Variants in GABRB3 observed in about 807,000 individuals in gnomAD.
The protein encoded by GABRB3 is gamma-aminobutyric acid type A receptor subunit beta3, also known as gamma-aminobutyric acid receptor subunit beta-3.
GABRB3 carries 14 observed loss-of-function variants against 52.1 expected under a neutral mutation model. The ratio of observed to expected loss-of-function variants is 0.27; its 90% CI spans 0.18 to 0.42. GABRB3 has a LOEUF of 0.42. Among genes scored for constraint, GABRB3 ranks in the 10% least tolerant of loss-of-function variants. GABRB3 has a pLI of 1.00. For synonymous variants in GABRB3, 260 were observed against 232.3 expected (o/e 1.12, Z -1.08); for missense variants, 307 against 609.1 (o/e 0.50, Z 5.22).
chr15:26,703,225 T>C (rs1888992081), intron 3 of GABRB3, among the ~76,000 whole-genome samples: 1 of 152,330 alleles, frequency 6.6e-6, no homozygotes. Context: ...TTCTAGAGGC[T>C]GGAAATTCCA....
intron 3 of GABRB3, among the ~76,000 whole-genome samples, chr15:26,736,725 G>A (rs1412956430): frequency 6.6e-6 from 1 of 152,248 alleles, no homozygotes; most frequent in Non-Finnish European, 1.5e-5. Context: ...GCTAGAATGT[G>A]TTCCATTTGC....
intron 3 of GABRB3, among the ~76,000 whole-genome samples, chr15:26,654,265 C>A (rs1595510747): frequency 6.6e-6 from 1 of 152,190 alleles, no homozygotes; most frequent in Admixed American, 6.5e-5. Context: ...CCTGCCTCAG[C>A]CTCCCGAGTA....
chr15:26,653,298 A>G (rs985659749), intron 3 of GABRB3, among the ~76,000 whole-genome samples: 2 of 152,188 alleles, frequency 1.3e-5, no homozygotes, highest in African/African-American at 4.8e-5. Flanking sequence ...GCTCTTATGG[A>G]TAACATCACT....
chr15:26,567,454 G>A, intron 7 of GABRB3, 127 bp downstream of exon 7: 1 of 828,858 alleles, frequency 1.2e-6, no homozygotes, highest in Non-Finnish European at 2.0e-6. Flanking sequence ...GATAAAAAGT[G>A]ACTATACAGG....
chr15:26,737,531 A>G (rs1175067984), intron 3 of GABRB3, among the ~76,000 whole-genome samples: 1 of 152,184 alleles, frequency 6.6e-6, no homozygotes, highest in Non-Finnish European at 1.5e-5. Flanking sequence ...AGAACATTTG[A>G]AAAATAATAA....
intron 3 of GABRB3, chr15:26,658,613 A>AG (rs1453484683): frequency 6.6e-6 from 1 of 152,222 alleles, no homozygotes; most frequent in East Asian, 1.9e-4. Flanking sequence ...TCTGATGGTC[A>AG]GGCCTTCTGT....
chr15:26,554,190 A>ATATATATATATATATATATATATAT (rs1567097853), intron 8 of GABRB3, among the ~76,000 whole-genome samples: 1 of 31,532 alleles, frequency 3.2e-5, no homozygotes, highest in Non-Finnish European at 6.4e-5. Context: ...ATATATATAT[A>ATATATATATATATATATATATATAT]CTATATATAT....
chr15:26,593,981 A>AATATATAT (rs61218096), intron 4 of GABRB3, among the ~76,000 whole-genome samples: 2,458 of 133,892 alleles, frequency 0.018, 31 homozygotes, highest in South Asian at 0.045. Flanking sequence ...CTCATTTTAA[A>AATATATAT]ATATATATAT....
intron 8 of GABRB3, among the ~76,000 whole-genome samples, chr15:26,554,175 A>AATATATATATATATATATAT (rs1397152466): frequency 7.0e-5 from 1 of 14,258 alleles, no homozygotes; most frequent in Non-Finnish European, 2.0e-4. Context: ...ATATATATAA[A>AATATATATATATATATATAT]GTATATATAT....
intron 3 of GABRB3, among the ~76,000 whole-genome samples, chr15:26,678,161 T>A (rs1888125977): frequency 6.6e-6 from 1 of 152,152 alleles, no homozygotes; most frequent in Admixed American, 6.5e-5. Flanking sequence ...GACATCTTCA[T>A]AAGACCCACT....
At chr15:26,624,008 C>A (rs1307004960) in intron 3 of GABRB3, among the ~76,000 whole-genome samples, 2 of 152,162 alleles carry the variant, frequency 1.3e-5, no homozygotes, top group Non-Finnish European at 2.9e-5. Context: ...AAACACAAAG[C>A]CGCCTGTGAG....
chr15:26,652,259 C>A (rs1338471917), intron 3 of GABRB3, among the ~76,000 whole-genome samples: 1 of 152,224 alleles, frequency 6.6e-6, no homozygotes, highest in Non-Finnish European at 1.5e-5. Context: ...GTGGCACAAC[C>A]AATGTATACC....
At chr15:26,554,162 T>TAAATAAATAA (rs1567097413) in intron 8 of GABRB3, among the ~76,000 whole-genome samples, 1 of 13,418 alleles carries the variant, frequency 7.5e-5, no homozygotes, top group African/African-American at 2.6e-4. Context: ...ATATATAAAG[T>TAAATAAATAA]ATATATATAT....
rs548782146 is a variant in GABRB3 at position 26,640,511 on chromosome 15, C to T, written c.241-18977G>A. 6.6e-5 allele frequency among the ~76,000 whole-genome samples: 10 copies of T among 151,726 alleles called. 1 individual carries two copies. Among genetic ancestry groups the T allele is most frequent in the African/African-American group, 2.4e-4 (10 of 41,348 alleles). On this transcript the variant is annotated intron_variant, in intron 3 of 8. Transcript: ENST00000311550. ...CAGCCTGGGCGACAGAGCGAGACTC[C>T]GTCTCAAAAAAAAAAAGTAGCAAAA...
At chr15:26,565,825 G>A (rs1890151788) in intron 7 of GABRB3, among the ~76,000 whole-genome samples, 1 of 152,126 alleles carries the variant, frequency 6.6e-6, no homozygotes, top group Admixed American at 6.5e-5. Flanking sequence ...CAAATTCTCT[G>A]TAGCAGATGC....
intron 8 of GABRB3, among the ~76,000 whole-genome samples, chr15:26,555,672 A>C (rs931923707): frequency 1.3e-5 from 2 of 152,190 alleles, no homozygotes; most frequent in African/African-American, 4.8e-5. Context: ...GTGAGAAAGA[A>C]CTCAAGAACC....
intron 4 of GABRB3, among the ~76,000 whole-genome samples, chr15:26,587,225 T>C (rs907182845): frequency 1.3e-5 from 2 of 152,108 alleles, no homozygotes; most frequent in African/African-American, 4.8e-5. Context: ...CAATTTACAA[T>C]TAAAAAAATG....
intron 8 of GABRB3, among the ~76,000 whole-genome samples, chr15:26,558,640 C>T (rs746955629): frequency 3.9e-5 from 6 of 152,160 alleles, no homozygotes; most frequent in Non-Finnish European, 5.9e-5. Context: ...CAGTGGCTCA[C>T]GCCTGTAATC....
intron 3 of GABRB3, among the ~76,000 whole-genome samples, chr15:26,725,197 G>A (rs147651709): frequency 7.6e-4 from 116 of 152,260 alleles, no homozygotes; most frequent in African/African-American, 2.5e-3. Flanking sequence ...ACACACAAAG[G>A]TCTGGATTTT....
Sources: gnomAD v4.1 joint callset for allele counts (sites outside exome capture counted in the v4.1 genomes callset) on GRCh38, gnomAD v4.1.1 for gene constraint, MANE v1.5 for transcripts, NCBI Gene and HGNC (gene_info 2026-07-23, HGNC 2026-07-21) for gene names.